The following KIAA1671 variants were observed in gnomAD, a reference collection of about 807,000 sequenced individuals.
KIAA1671 encodes the protein KIAA1671, also known as uncharacterized protein KIAA1671.
A neutral mutation model predicts 131.2 loss-of-function variants in KIAA1671; 52 were observed. That is an observed-to-expected ratio of 0.40 (90% confidence interval 0.32 to 0.50). The LOEUF (loss-of-function observed/expected upper bound fraction) is 0.50. KIAA1671 is among the 20% of genes least tolerant of loss of function. The pLI is 0.73. For missense variants in KIAA1671, 2,360 were observed against 2,364.2 expected, an observed-to-expected ratio of 1.00 and a Z score of 0.04; for synonymous variants, 1,003 against 961.6, an observed-to-expected ratio of 1.04 and a Z score of -0.80.
At chr22:25,058,294 A>G (rs1437410873) in intron 6 of KIAA1671, 1 of 152,248 alleles carries the variant, frequency 6.6e-6, no homozygotes, top group Admixed American at 6.5e-5. Flanking sequence ...TCCAACTGTC[A>G]TCACCACCTT....
chr22:25,028,828 G>T lies in KIAA1671; in HGVS notation c.829G>T (p.Val277Leu). Residue 277 changes from valine to leucine, a missense_variant, in exon 3 of 13, where the codon GTG (valine) becomes TTG (leucine). Val to Leu is a conservative substitution (Grantham distance 32, BLOSUM62 1). Transcript: ENST00000358431. ...VPPTPPEKTW[V>L]RKPRPLSMDL... is the part of the protein sequence containing the mutation. Reference sequence around the variant, plus strand: ...ACCCACCCCTCCCGAGAAGACGTGGGTGAGGAAGCCCAGGCCCTTGTCCAT... The same window carrying T: ...ACCCACCCCTCCCGAGAAGACGTGGTTGAGGAAGCCCAGGCCCTTGTCCAT... The T allele has an allele frequency of 6.4e-7, 1 of 1,550,972 alleles. No individual in the cohort carries two copies. Among genetic ancestry groups the T allele is most frequent in the Non-Finnish European group, 8.7e-7 (1 of 1,146,874 alleles).
intron 1 of KIAA1671, among the ~76,000 whole-genome samples, chr22:24,984,464 AG>A (rs1411742217): frequency 1.3e-5 from 2 of 152,346 alleles, no homozygotes; most frequent in East Asian, 1.9e-4. Context: ...GAAATAGCCC[AG>A]GACAGGGAGC....
At chr22:24,969,467 TA>T (rs1000109170) in intron 1 of KIAA1671, among the ~76,000 whole-genome samples, 3 of 152,212 alleles carry the variant, frequency 2.0e-5, no homozygotes, top group Non-Finnish European at 2.9e-5. Context: ...AAAACCTCTG[TA>T]CATGTTCATT....
chr22:25,164,762 A>G (rs1223534373), intron 6 of KIAA1671, among the ~76,000 whole-genome samples: 1 of 152,164 alleles, frequency 6.6e-6, no homozygotes, highest in Non-Finnish European at 1.5e-5. Context: ...AGCCTGGGCA[A>G]CATGGTGAAA....
intron 6 of KIAA1671, among the ~76,000 whole-genome samples, chr22:25,158,504 G>A (rs1345507782): frequency 1.3e-5 from 2 of 152,196 alleles, no homozygotes; most frequent in African/African-American, 4.8e-5. Context: ...CCCACCTGGG[G>A]ATGGGGCCAG....
rs1394287285 is a variant in KIAA1671 at position 24,975,397 on chromosome 22, C to T, written c.-208+22625C>T. Among the ~76,000 whole-genome samples the T allele has an allele frequency of 3.3e-5, 5 of 151,756 alleles. 1 individual carries two copies. In the South Asian group the frequency reaches 8.3e-4, roughly 25 times the overall value. On this transcript the variant is annotated intron_variant, in intron 1 of 12. Coordinates refer to ENST00000358431, the MANE Select transcript of KIAA1671 (RefSeq NM_001145206.2). ...GCAGTGGTGCAATCCTAGCTCACTG[C>T]ACCTTCGACCTCCTGGGCTCAAGCA...
In KIAA1671 at chr22:25,185,562, G is replaced by A. The variant is rs906330104; in HGVS notation, c.5342+443G>A. ...GAATGAGATCGGTTTCACTCCCTTC[G>A]TGGAACAGCTATCCCGATCCTGGGC... On this transcript the variant is annotated intron_variant, in intron 11 of 12. Coordinates refer to ENST00000358431, the MANE Select transcript of KIAA1671 (RefSeq NM_001145206.2). The A allele has an allele frequency of 6.1e-5, 10 of 164,116 alleles. 1 individual carries two copies. Among genetic ancestry groups the A allele is most frequent in the Admixed American group, 1.7e-4 (3 of 17,660 alleles). The allele number at this position is 164,116 out of a possible 1,614,324, so 10.2% of individuals were successfully genotyped here. A position where few individuals can be genotyped will look rare whatever the true frequency, so the allele number is the denominator to read the frequency against.
chr22:25,126,679 A>G (rs1367791503), intron 6 of KIAA1671, among the ~76,000 whole-genome samples: 2 of 152,192 alleles, frequency 1.3e-5, no homozygotes, highest in African/African-American at 2.4e-5. Context: ...GCCAAGGCCC[A>G]GAGAGGGAGA....
In KIAA1671 at chr22:25,093,806, C is replaced by T. The variant is rs1029305630; in HGVS notation, c.4530+44442C>T. 1.6e-3 allele frequency among the ~76,000 whole-genome samples: 203 copies of T among 128,566 alleles called. 19 individuals are homozygous for T. Among genetic ancestry groups the T allele is most frequent in the African/African-American group, 5.0e-3 (148 of 29,816 alleles). The allele number at this position is 128,566 out of a possible 152,430, so 84.3% of individuals were successfully genotyped here. A position where few individuals can be genotyped will look rare whatever the true frequency, so the allele number is the denominator to read the frequency against. On this transcript the variant is annotated intron_variant, in intron 6 of 12. Coordinates refer to ENST00000358431, the MANE Select transcript of KIAA1671 (RefSeq NM_001145206.2). ...TCTCTCTCTCTCTCTCTCTCTCTCT[C>T]TCTCTGTCTCTCTCTCTTTCTCTCT...
At chr22:25,011,014 T>C (rs112972952) in intron 1 of KIAA1671, 1 of 152,238 alleles carries the variant, frequency 6.6e-6, no homozygotes, top group Non-Finnish European at 1.5e-5. Context: ...TTTCACTCTG[T>C]TGCCCAGACT....
chr22:25,157,064 C>T (rs1050369379), intron 6 of KIAA1671, among the ~76,000 whole-genome samples: 3 of 152,172 alleles, frequency 2.0e-5, no homozygotes, highest in African/African-American at 7.2e-5. Context: ...TTTTAAGAAT[C>T]CCTCCAAGAG....
At chr22:25,150,516 T>C (rs1932998113) in intron 6 of KIAA1671, among the ~76,000 whole-genome samples, 2 of 152,184 alleles carry the variant, frequency 1.3e-5, no homozygotes, top group Non-Finnish European at 2.9e-5. Context: ...CCTGCACTCT[T>C]TCGGGCTGCC....
chr22:25,095,157 C>G (rs1373096099), intron 6 of KIAA1671, among the ~76,000 whole-genome samples: 3 of 152,154 alleles, frequency 2.0e-5, no homozygotes, highest in Non-Finnish European at 4.4e-5. Context: ...CACCGAACAT[C>G]TCTGAACCTC....
chr22:25,167,669 A>C (rs376214921), intron 6 of KIAA1671, among the ~76,000 whole-genome samples: 3 of 152,210 alleles, frequency 2.0e-5, no homozygotes, highest in African/African-American at 7.2e-5. Context: ...GAGACAGAAA[A>C]GCTTCTACAG....
At chr22:24,979,276 A>C (rs1005988050) in intron 1 of KIAA1671, among the ~76,000 whole-genome samples, 5 of 148,346 alleles carry the variant, frequency 3.4e-5, no homozygotes, top group African/African-American at 1.2e-4. Context: ...TCGGCCTCCC[A>C]ATGTGCTGGG....
intron 1 of KIAA1671, among the ~76,000 whole-genome samples, chr22:25,021,039 T>C (rs1183491740): frequency 1.4e-4 from 22 of 152,146 alleles, no homozygotes; most frequent in Admixed American, 1.4e-3. Context: ...AGGCCACAGC[T>C]GAGGCAGAAT....
intron 6 of KIAA1671, chr22:25,051,972 G>A (rs1377664615): frequency 6.6e-6 from 1 of 152,298 alleles, no homozygotes; most frequent in Non-Finnish European, 1.5e-5. Context: ...TGCAGAGCAG[G>A]AAAGTGAGGC....
rs954795425 is a variant in KIAA1671, at chr22:25,029,372, C to G, written c.1373C>G (p.Ser458Cys). 6.4e-7 allele frequency: 1 copy of G among 1,551,068 alleles called. No homozygotes were observed. Among genetic ancestry groups the G allele is most frequent in the African/African-American group, 1.4e-5 (1 of 73,038 alleles). ...STLALAVGSE[S>C]PLATPASPSA... ...TTGGCCTTGGCAGTGGGGTCTGAAT[C>G]TCCCCTGGCCACCCCTGCGTCCCCA... The change falls in exon 3 of 13, where the codon TCT (serine) becomes TGT (cysteine). Residue 458 changes from serine to cysteine, a missense_variant. By Grantham distance (112) the Ser-to-Cys change is moderately radical. Around this residue, in one of 3 missense-constraint regions of KIAA1671, gnomAD observed 1,185 missense variants for 1,126.2 expected, o/e 1.05. Coordinates refer to ENST00000358431, the MANE Select transcript of KIAA1671 (RefSeq NM_001145206.2).
At chr22:25,142,258 G>T (rs951309135) in intron 6 of KIAA1671, among the ~76,000 whole-genome samples, 2 of 152,142 alleles carry the variant, frequency 1.3e-5, no homozygotes, top group Non-Finnish European at 2.9e-5. Flanking sequence ...TAATTCGTGG[G>T]AATGTTCTGC....
Sources: gnomAD v4.1 joint callset for allele counts (sites outside exome capture counted in the v4.1 genomes callset) on GRCh38, gnomAD v4.1.1 for gene constraint, gnomAD v4.1.1 regional missense constraint, MANE v1.5 for transcripts, NCBI Gene and HGNC (gene_info 2026-07-23, HGNC 2026-07-21) for gene names.